The following PTPN22 variants were observed in gnomAD, a reference collection of about 807,000 sequenced individuals.
PTPN22 encodes the protein tyrosine-protein phosphatase non-receptor type 22.
PTPN22 carries 85 observed loss-of-function variants against 103.3 expected under a neutral mutation model. The ratio of observed to expected loss-of-function variants is 0.82; its 90% CI spans 0.69 to 0.99. The LOEUF is 0.99. Among genes scored for constraint, PTPN22 ranks in the 50% least tolerant of loss-of-function variants. PTPN22 has a pLI of 0.00. For synonymous variants in PTPN22, 323 were observed against 310.2 expected (o/e 1.04, Z -0.43); for missense variants, 865 against 936.9 (o/e 0.92, Z 1.00).
rs116822609 is a variant in PTPN22 at position 113,843,207 on chromosome 1, C to A, written c.916-4587G>T. On this transcript the variant is annotated intron_variant, in intron 11 of 20. Coordinates refer to ENST00000359785, the Ensembl canonical transcript of PTPN22. ...GGGATACAAATATATATTTGTATAC[C>A]CATGGTCATCACAGCATTACAGCAG... 9.3e-3 allele frequency among the ~76,000 whole-genome samples: 1,415 copies of A among 151,410 alleles called. 12 individuals are homozygous for A. The highest frequency in any genetic ancestry group is 0.012 in the Non-Finnish European group (805 of 67,896).
intron 10 of PTPN22, among the ~76,000 whole-genome samples, chr1:113,850,956 C>T (rs1353304425): frequency 1.3e-5 from 2 of 152,072 alleles, no homozygotes; most frequent in African/African-American, 4.8e-5. Context: ...ATTCTAAATT[C>T]TATATTAAAA....
chr1:113,871,617 G>A lies in PTPN22; in HGVS notation c.7C>T (p.Gln3Ter). Residue 3 changes from glutamine to a stop codon, truncating the protein, a stop_gained, in exon 1 of 21, where the codon CAA (glutamine) becomes TAA (stop). Coordinates refer to ENST00000359785, the Ensembl canonical transcript of PTPN22. LOFTEE classifies it high-confidence loss of function. ...AGGAACTTCTGCAGAATTTCTCTTT[G>A]GTCCATGCTGCAGAGCAAGAAAAAT... The A allele has an allele frequency of 6.2e-7, 1 of 1,613,818 alleles. No individual in the cohort carries two copies. Among genetic ancestry groups the A allele is most frequent in the Non-Finnish European group, 8.5e-7 (1 of 1,179,838 alleles).
chr1:113,864,698 C>T (rs1406040576), intron 1 of PTPN22, among the ~76,000 whole-genome samples: 3 of 150,434 alleles, frequency 2.0e-5, no homozygotes, highest in African/African-American at 4.9e-5. Context: ...ATCACGAGGT[C>T]GGGAGATCGA....
intron 11 of PTPN22, among the ~76,000 whole-genome samples, chr1:113,839,671 A>G (rs891935607): frequency 2.6e-5 from 4 of 152,172 alleles, no homozygotes; most frequent in African/African-American, 7.2e-5. Flanking sequence ...GTTTGACAAA[A>G]TTCATGTTAA....
At position 113,843,108 on chromosome 1, in the gene PTPN22, A is replaced by AAAAAAAAAAG. The variant is rs1351001407; in HGVS notation, c.916-4489_916-4488insCTTTTTTTTT. ...GAGCGAGACTCCGTCTCAAAAAAAAAAAAAAAGAAAACTAAACATAGAATT... is the reference window on the plus strand; with the variant it reads ...GAGCGAGACTCCGTCTCAAAAAAAAAAAAAAAAAAGAAAAAAGAAAACTAAACATAGAATT... On this transcript the variant is annotated intron_variant, in intron 11 of 20. Coordinates refer to ENST00000359785, the Ensembl canonical transcript of PTPN22. Among the ~76,000 whole-genome samples, 7 of 146,088 alleles carry AAAAAAAAAAG rather than the reference A, an allele frequency of 4.8e-5. 1 individual carries two copies. Among genetic ancestry groups the AAAAAAAAAAG allele is most frequent in the Non-Finnish European group, 7.5e-5 (5 of 66,452 alleles).
chr1:113,870,569 C>A (rs183132617), intron 1 of PTPN22, among the ~76,000 whole-genome samples: 12 of 152,268 alleles, frequency 7.9e-5, no homozygotes, highest in Admixed American at 4.6e-4. Context: ...TCTAATCCAC[C>A]CAACCTGAAG....
At chr1:113,847,976 C>G (rs563782388) in intron 11 of PTPN22, among the ~76,000 whole-genome samples, 4 of 152,104 alleles carry the variant, frequency 2.6e-5, no homozygotes, top group Non-Finnish European at 5.9e-5. Flanking sequence ...CTTGAACAAT[C>G]CTTCCACCTT....
intron 13 of PTPN22, among the ~76,000 whole-genome samples, chr1:113,835,524 T>A (rs900710965): frequency 3.2e-4 from 49 of 151,796 alleles, no homozygotes; most frequent in African/African-American, 1.0e-3. Flanking sequence ...TCTCAAAAAA[T>A]AATAATAATA....
At chr1:113,834,786 C>T in intron 14 of PTPN22, 124 bp downstream of exon 14, 1 of 839,354 alleles carries the variant, frequency 1.2e-6, no homozygotes, top group Non-Finnish European at 1.9e-6. Context: ...GTCTTGAACT[C>T]CTGGCCTCAA....
At chr1:113,858,698 G>C (rs2102127083) in intron 3 of PTPN22, 125 bp from the exon 4 acceptor site, 1 of 716,472 alleles carries the variant, frequency 1.4e-6, no homozygotes, top group East Asian at 2.8e-5. Context: ...GGAGTGCAGT[G>C]GCATAATCAC....
intron 11 of PTPN22, among the ~76,000 whole-genome samples, chr1:113,841,965 G>A (rs1663591171): frequency 6.6e-6 from 1 of 152,106 alleles, no homozygotes; most frequent in Non-Finnish European, 1.5e-5. Context: ...AGCTACTGGG[G>A]AGTTTGAGAT....
intron 1 of PTPN22, chr1:113,864,258 C>T (rs1665909009): frequency 2.2e-6 from 1 of 453,538 alleles, no homozygotes; most frequent in Admixed American, 2.4e-5. Context: ...GGTGTGGTGG[C>T]TCATGGTTGT....
At chr1:113,814,879 C>T in exon 21 of PTPN22, 1 of 1,520,560 alleles carries the variant, frequency 6.6e-7, no homozygotes. Flanking sequence ...ACTTGCAGCC[C>T]ATATTATTAT....
intron 1 of PTPN22, among the ~76,000 whole-genome samples, chr1:113,869,293 A>G (rs1376225152): frequency 6.6e-6 from 1 of 152,204 alleles, no homozygotes; most frequent in African/African-American, 2.4e-5. Flanking sequence ...AAGGTGGGGC[A>G]AGGCTAGAGG....
chr1:113,859,150 T>A (rs1205573070), intron 2 of PTPN22, 72 bp from the exon 3 acceptor site: 1 of 1,587,692 alleles, frequency 6.3e-7, no homozygotes, highest in Non-Finnish European at 8.6e-7. Flanking sequence ...GGCCTAACAC[T>A]GTGAATAGTG....
rs1666582614 is a variant in PTPN22, at chr1:113,871,519, G to T, written c.87+18C>A. On this transcript the variant is annotated intron_variant, in intron 1 of 20. Transcript: ENST00000359785. ...TAGTGTATGTAACTACCCTGAGAGG[G>T]TCACATACAGGACTCACCAGAAATT... The T allele has an allele frequency of 6.2e-7, 1 of 1,607,938 alleles. No individual in the cohort carries two copies. Among genetic ancestry groups the T allele is most frequent in the Non-Finnish European group, 8.5e-7 (1 of 1,174,490 alleles).
At chr1:113,866,943 C>T (rs1345504553) in intron 1 of PTPN22, among the ~76,000 whole-genome samples, 4 of 152,092 alleles carry the variant, frequency 2.6e-5, no homozygotes, top group Non-Finnish European at 4.4e-5. Flanking sequence ...GACGGGGTTT[C>T]ATCATGTTGC....
At chr1:113,859,328 T>A (rs377190470) in intron 2 of PTPN22, 24 bp downstream of exon 2, 1 of 1,589,266 alleles carries the variant, frequency 6.3e-7, no homozygotes, top group Non-Finnish European at 8.6e-7. Flanking sequence ...AAAGTATGAG[T>A]TTATAGAGAG....
chr1:113,849,639 G>A (rs904742476), intron 10 of PTPN22, among the ~76,000 whole-genome samples: 4 of 149,886 alleles, frequency 2.7e-5, no homozygotes, highest in South Asian at 4.2e-4. Context: ...CCAGGCTGGA[G>A]TGCAGTGATG....
Sources: allele counts gnomAD v4.1 joint callset (sites outside exome capture counted in the v4.1 genomes callset), GRCh38; gene constraint gnomAD v4.1.1; transcripts MANE v1.5; gene names NCBI Gene and HGNC (gene_info 2026-07-23, HGNC 2026-07-21).